TSPAN2: variants seen among roughly 807,000 people sequenced by gnomAD.
The protein encoded by TSPAN2 is tetraspanin 2.
A neutral mutation model predicts 33.3 loss-of-function variants in TSPAN2; 24 were observed. That is an observed-to-expected ratio of 0.72 (90% CI 0.52 to 1.01). TSPAN2 has a LOEUF of 1.01. Among genes scored for constraint, TSPAN2 ranks in the 50% least tolerant of loss-of-function variants. The pLI is 0.00. For missense variants in TSPAN2, 278 were observed against 281.3 expected (o/e 0.99, Z 0.08); for synonymous variants, 114 against 104.5 (o/e 1.09, Z -0.56).
intron 1 of TSPAN2, among the ~76,000 whole-genome samples, chr1:115,074,101 T>A (rs905403446): frequency 6.6e-6 from 1 of 152,126 alleles, no homozygotes; most frequent in Non-Finnish European, 1.5e-5. Flanking sequence ...AGTCTACCAC[T>A]AAATGAACAA....
In TSPAN2 at chr1:115,050,220, G is replaced by T; in HGVS notation, c.*270C>A. ...GTTCTTCTTATATAACAAGAATCAG[G>T]AATTCCCAGCAAACAGATTTCATTA... On this transcript the variant is annotated 3_prime_UTR_variant, in exon 8 of 8. Transcript: ENST00000369516. The T allele has an allele frequency of 4.8e-6, 2 of 414,824 alleles. No individual in the cohort carries two copies. The highest frequency in any genetic ancestry group is 3.0e-5 in the South Asian group (1 of 33,260). 25.7% of individuals were successfully genotyped at this position (414,824 alleles called of 1,614,324 possible).
chr1:115,064,507 T>C (rs1174020756), intron 2 of TSPAN2, among the ~76,000 whole-genome samples: 4 of 152,368 alleles, frequency 2.6e-5, no homozygotes, highest in South Asian at 2.1e-4. Flanking sequence ...TCTGGCTGTG[T>C]CCTGCTCTTT....
intron 2 of TSPAN2, among the ~76,000 whole-genome samples, chr1:115,065,387 T>C (rs1410046882): frequency 6.6e-6 from 1 of 152,232 alleles, no homozygotes; most frequent in East Asian, 1.9e-4. Flanking sequence ...AGCCTTCTCC[T>C]TCCCACAGGA....
At chr1:115,060,379 A>T in intron 4 of TSPAN2, 85 bp downstream of exon 4, 1 of 1,085,580 alleles carries the variant, frequency 9.2e-7, no homozygotes, top group African/African-American at 1.6e-5. Flanking sequence ...AATGGGGATT[A>T]TTTGGTTTCT....
rs529592961 is a variant in TSPAN2 at position 115,089,398 on chromosome 1, T to G, written c.35A>C (p.Lys12Thr). The change falls in exon 1 of 8, where the codon AAG becomes ACG. Residue 12 changes from lysine (K) to threonine (T), a missense_variant. Physicochemically the swap from Lys to Thr is moderately conservative, Grantham distance 78. Transcript: ENST00000369516. Reference protein sequence around the residue: ...GRFRGGLRCIKYLLLGFNLLF... With the variant: ...GRFRGGLRCITYLLLGFNLLF... Reference sequence around the variant, plus strand: ...CAGGTTGAAGCCAAGCAGCAGGTACTTGATGCACCGCAGGCCCCCGCGGAA... The same window carrying G: ...CAGGTTGAAGCCAAGCAGCAGGTACGTGATGCACCGCAGGCCCCCGCGGAA... 155 of 1,595,060 alleles carry G rather than the reference T, an allele frequency of 9.7e-5. No individual in the cohort carries two copies. In the Middle Eastern group the frequency reaches 3.6e-3, roughly 37 times the overall value.
rs1647671929 is a variant in TSPAN2, at chr1:115,060,506, A to C, written c.303T>G (p.Ala101=). 1 of 1,613,652 alleles carries C rather than the reference A, an allele frequency of 6.2e-7. No individual in the cohort carries two copies. Among genetic ancestry groups the C allele is most frequent in the Non-Finnish European group, 8.5e-7 (1 of 1,179,796 alleles). ...FFTCLLVIFA[A]EVTTGVFAFI... ...AAGCAAATACTCCAGTGGTTACTTC[A>C]GCAGCAAATATCACCAGGAGGCAGG... Residue 101 remains alanine, a synonymous_variant, in exon 4 of 8, where the codon GCT becomes GCG. Transcript: ENST00000369516.
chr1:115,083,106 A>G (rs967619227), intron 1 of TSPAN2, among the ~76,000 whole-genome samples: 3 of 152,364 alleles, frequency 2.0e-5, no homozygotes, highest in African/African-American at 7.2e-5. Context: ...CTCCCAGCCC[A>G]TCTGGTATTT....
At chr1:115,075,065 T>C (rs1648349485) in intron 1 of TSPAN2, among the ~76,000 whole-genome samples, 1 of 151,948 alleles carries the variant, frequency 6.6e-6, no homozygotes, top group Non-Finnish European at 1.5e-5. Context: ...AGGTGACTGG[T>C]CCCAGGGACA....
intron 4 of TSPAN2, among the ~76,000 whole-genome samples, chr1:115,059,651 T>C (rs1418520269): frequency 6.6e-6 from 1 of 152,262 alleles, no homozygotes; most frequent in Non-Finnish European, 1.5e-5. Context: ...ATGCTTTTTC[T>C]AGTATAAAAG....
chr1:115,070,758 T>C (rs1648137465), intron 2 of TSPAN2, among the ~76,000 whole-genome samples: 1 of 152,210 alleles, frequency 6.6e-6, no homozygotes, highest in Non-Finnish European at 1.5e-5. Context: ...CAGTTTAGAA[T>C]GACCTCTAAT....
At chr1:115,051,188 C>T (rs1675305656) in intron 7 of TSPAN2, among the ~76,000 whole-genome samples, 2 of 151,952 alleles carry the variant, frequency 1.3e-5, no homozygotes, top group South Asian at 4.2e-4. Context: ...TGTGTCCCTG[C>T]AGTCCCAGGT....
intron 2 of TSPAN2, among the ~76,000 whole-genome samples, chr1:115,071,307 T>G (rs1032138596): frequency 3.3e-5 from 5 of 152,224 alleles, no homozygotes; most frequent in African/African-American, 9.6e-5. Context: ...GAAAAAGGTT[T>G]TACTCATTCA....
At chr1:115,051,832 A>G (rs1252618669) in intron 7 of TSPAN2, among the ~76,000 whole-genome samples, 2 of 152,202 alleles carry the variant, frequency 1.3e-5, no homozygotes, top group African/African-American at 4.8e-5. Context: ...CACCCAATGC[A>G]CTTTTAGTTA....
At chr1:115,057,388 C>T (rs1647472990) in intron 6 of TSPAN2, 149 bp downstream of exon 6, 2 of 753,048 alleles carry the variant, frequency 2.7e-6, no homozygotes, top group African/African-American at 1.7e-5. Context: ...TCTCTCAGCT[C>T]AACGCTATTC....
rs6668527 is a variant in TSPAN2, at chr1:115,064,434, A to G, written c.173-2202T>C. ...GATCTATCATGAAGTCACAGCCTAC[A>G]GAACAGTTTCCCCCAAAATCTTTAT... On this transcript the variant is annotated intron_variant, in intron 2 of 7. Transcript: ENST00000369516. 5.4e-3 allele frequency among the ~76,000 whole-genome samples: 827 copies of G among 152,358 alleles called. 12 individuals are homozygous for G. The highest frequency in any genetic ancestry group is 0.019 in the African/African-American group (791 of 41,584).
chr1:115,077,691 T>C (rs542379063), intron 1 of TSPAN2, among the ~76,000 whole-genome samples: 1 of 152,384 alleles, frequency 6.6e-6, no homozygotes, highest in South Asian at 2.1e-4. Context: ...TTCAATTTTA[T>C]TTTACTGTAC....
chr1:115,054,656 C>G (rs1048186790), intron 6 of TSPAN2, among the ~76,000 whole-genome samples: 3 of 152,136 alleles, frequency 2.0e-5, no homozygotes, highest in African/African-American at 7.2e-5. Flanking sequence ...ACTCCTTTTT[C>G]TCTGATCAGA....
chr1:115,055,036 C>T (rs914618985), intron 6 of TSPAN2, among the ~76,000 whole-genome samples: 2 of 152,006 alleles, frequency 1.3e-5, no homozygotes, highest in African/African-American at 2.4e-5. Context: ...ACTTCATATC[C>T]TGCTTTGGGT....
At chr1:115,060,793 G>T (rs914442028) in intron 3 of TSPAN2, among the ~76,000 whole-genome samples, 2 of 152,174 alleles carry the variant, frequency 1.3e-5, no homozygotes, top group Non-Finnish European at 2.9e-5. Flanking sequence ...AGGAATATAC[G>T]ATAACTGTGT....
Sources: allele counts gnomAD v4.1 joint callset (sites outside exome capture counted in the v4.1 genomes callset), GRCh38; gene constraint gnomAD v4.1.1; transcripts MANE v1.5; gene names NCBI Gene and HGNC (gene_info 2026-07-23, HGNC 2026-07-21).